The following PIK3CB variants were observed in gnomAD, a reference collection of about 807,000 sequenced individuals.
PIK3CB encodes phosphatidylinositol-4,5-bisphosphate 3-kinase catalytic subunit beta, also known as phosphatidylinositol 4,5-bisphosphate 3-kinase catalytic subunit beta isoform.
Under a neutral mutation model 136.8 loss-of-function variants are expected in PIK3CB, and 39 were observed. The ratio of observed to expected loss-of-function variants is 0.29; its 90% CI spans 0.22 to 0.37. The LOEUF (loss-of-function observed/expected upper bound fraction) is 0.37, where lower values mean the gene tolerates loss of function less well. PIK3CB is among the 10% of genes least tolerant of loss of function. PIK3CB has a pLI of 1.00. For synonymous variants in PIK3CB, 428 were observed against 436.6 expected (o/e 0.98, Z 0.25); for missense variants, 868 against 1,275.4 (o/e 0.68, Z 4.87).
In PIK3CB at chr3:138,663,301, C is replaced by T. The variant is rs182769512; in HGVS notation, c.2796+605G>A. Among the ~76,000 whole-genome samples the T allele has an allele frequency of 3.9e-5, 6 of 152,226 alleles. No homozygotes were observed. The East Asian group carries it at 5.8e-4, about 15-fold the overall frequency. ...AATTTAATACATCCAGTACATTATC[C>T]GCTCCTTCTGTTAGGTACAAATGTA... is the stretch of plus-strand genomic sequence containing the variant. On this transcript the variant is annotated intron_variant, in intron 21 of 23. Coordinates refer to ENST00000674063, the MANE Select transcript of PIK3CB (RefSeq NM_006219.3).
rs557124665 is a variant in PIK3CB, at chr3:138,782,518, T to C, written c.-17+13945A>G. 2.0e-4 allele frequency among the ~76,000 whole-genome samples: 31 copies of C among 152,366 alleles called. No homozygotes were observed. The South Asian group carries it at 2.9e-3, about 14-fold the overall frequency. ...TATGACAACTATACCAAGGTCACTA[T>C]GGCAGAGACTAATTTTTTTCTTCCA... On this transcript the variant is annotated intron_variant, in intron 2 of 23. Transcript: ENST00000674063.
At chr3:138,656,041 T>G in intron 23 of PIK3CB, 101 bp downstream of exon 23, 1 of 1,202,588 alleles carries the variant, frequency 8.3e-7, no homozygotes, top group Non-Finnish European at 1.2e-6. Flanking sequence ...TTAGAGGAAA[T>G]GACTTTGTTC....
intron 10 of PIK3CB, among the ~76,000 whole-genome samples, chr3:138,711,406 CCT>C (rs1303181918): frequency 2.7e-4 from 41 of 151,480 alleles, no homozygotes; most frequent in African/African-American, 9.7e-4. Flanking sequence ...ATGGAGAAAC[CCT>C]GTCTCTACTA....
At chr3:138,807,942 C>T (rs1444707908) in intron 1 of PIK3CB, among the ~76,000 whole-genome samples, 1 of 151,426 alleles carries the variant, frequency 6.6e-6, no homozygotes, top group Non-Finnish European at 1.5e-5. Context: ...TCTTACTAGT[C>T]CAGCTCACAC....
chr3:138,692,728 G>A (rs1199250565), intron 14 of PIK3CB, among the ~76,000 whole-genome samples: 1 of 152,102 alleles, frequency 6.6e-6, no homozygotes, highest in Admixed American at 6.5e-5. Flanking sequence ...AAGAAAAAAG[G>A]ATCATAGTAT....
At position 138,694,657 on chromosome 3, in the gene PIK3CB, T is replaced by G. The variant is rs943201378; in HGVS notation, c.1892+129A>C. On this transcript the variant is annotated intron_variant, in intron 14 of 23. Coordinates refer to ENST00000674063, the MANE Select transcript of PIK3CB (RefSeq NM_006219.3). Reference sequence around the variant, plus strand: ...GAGTTGGGGAGCTGGCAGGAGTACATGAGCAAATGCTTTGAACTGTGAATA... The same window carrying G: ...GAGTTGGGGAGCTGGCAGGAGTACAGGAGCAAATGCTTTGAACTGTGAATA... 26 of 963,614 alleles carry G rather than the reference T, an allele frequency of 2.7e-5. No individual in the cohort carries two copies. In the Admixed American group the frequency reaches 6.4e-4, roughly 24 times the overall value. The allele number at this position is 963,614 out of a possible 1,614,324, so 59.7% of individuals were successfully genotyped here. A position where few individuals can be genotyped will look rare whatever the true frequency, so the allele number is the denominator to read the frequency against.
At chr3:138,789,120 A>C (rs2046020074) in intron 2 of PIK3CB, among the ~76,000 whole-genome samples, 1 of 151,956 alleles carries the variant, frequency 6.6e-6, no homozygotes. Context: ...AGACAGCAGG[A>C]TTGTTCCTCA....
At chr3:138,693,966 T>TATATATA (rs1457395869) in intron 14 of PIK3CB, among the ~76,000 whole-genome samples, 1,218 of 42,290 alleles carry the variant, frequency 0.029, 215 homozygotes, top group East Asian at 0.055. Flanking sequence ...TATATATATA[T>TATATATA]TATATATATA....
chr3:138,657,881 T>C lies in PIK3CB; in HGVS notation c.2797-46A>G, dbSNP rs2043218489. The C allele has an allele frequency of 4.4e-6, 7 of 1,583,238 alleles. No individual in the cohort carries two copies. In the African/African-American group the frequency reaches 5.4e-5, roughly 12 times the overall value. ...AATTTCCTTCATTTTTCTGGTGGGT[T>C]CCAAATATAAAGGCAAAACCTCCAT... On this transcript the variant is annotated intron_variant, in intron 21 of 23. Transcript: ENST00000674063.
chr3:138,800,634 A>ATTATTT (rs2046162421), intron 1 of PIK3CB, among the ~76,000 whole-genome samples: 1 of 151,526 alleles, frequency 6.6e-6, no homozygotes, highest in African/African-American at 2.4e-5. Flanking sequence ...TATTATTATT[A>ATTATTT]TTATTTTTGA....
intron 8 of PIK3CB, among the ~76,000 whole-genome samples, chr3:138,732,720 G>A (rs73229575): frequency 0.017 from 1,862 of 108,090 alleles, no homozygotes; most frequent in Non-Finnish European, 0.019. Flanking sequence ...GGAAAGAAAA[G>A]AAAAAAAAAA....
chr3:138,819,147 G>A (rs1177654603), intron 1 of PIK3CB, among the ~76,000 whole-genome samples: 1 of 152,130 alleles, frequency 6.6e-6, no homozygotes, highest in Non-Finnish European at 1.5e-5. Context: ...TGGAGATCGA[G>A]ACCATCCTGG....
chr3:138,676,683 T>C (rs2043650832), intron 19 of PIK3CB, among the ~76,000 whole-genome samples: 2 of 152,336 alleles, frequency 1.3e-5, no homozygotes, highest in African/African-American at 2.4e-5. Context: ...AATGAAATAC[T>C]GGTTACTGTT....
rs77077357 is a variant in PIK3CB, at chr3:138,792,945, G to A, written c.-17+3518C>T. ...CGTGTGTGCCACCACACCCAGCTAA[G>A]TGTAGGATTTCTTATCTTACTTTTT... On this transcript the variant is annotated intron_variant, in intron 2 of 23. Coordinates refer to ENST00000674063, the MANE Select transcript of PIK3CB (RefSeq NM_006219.3). Among the ~76,000 whole-genome samples the A allele has an allele frequency of 1.3e-3, 192 of 152,228 alleles. 6 individuals carry two copies. The East Asian group carries it at 0.034, about 27-fold the overall frequency.
chr3:138,761,764 C>T (rs1305623695), intron 2 of PIK3CB, among the ~76,000 whole-genome samples: 4 of 151,316 alleles, frequency 2.6e-5, no homozygotes, highest in Non-Finnish European at 4.4e-5. Flanking sequence ...AGCGAGACTT[C>T]GTCTCAAAAA....
chr3:138,798,846 T>C (rs551021232), intron 1 of PIK3CB, among the ~76,000 whole-genome samples: 1 of 152,148 alleles, frequency 6.6e-6, no homozygotes, highest in Non-Finnish European at 1.5e-5. Context: ...GAAAAGGATA[T>C]TTTCTCCATA....
chr3:138,754,336 G>T (rs991370098), intron 4 of PIK3CB, among the ~76,000 whole-genome samples: 3 of 151,958 alleles, frequency 2.0e-5, no homozygotes, highest in African/African-American at 7.3e-5. Context: ...TACTTAGGAC[G>T]CTGAGGTGGG....
intron 4 of PIK3CB, among the ~76,000 whole-genome samples, chr3:138,747,800 A>C (rs1178910642): frequency 1.3e-5 from 2 of 152,196 alleles, no homozygotes; most frequent in Non-Finnish European, 2.9e-5. Context: ...CAATATACGT[A>C]TTAAAAAATA....
intron 12 of PIK3CB, among the ~76,000 whole-genome samples, chr3:138,703,563 T>C (rs1182751400): frequency 6.6e-6 from 1 of 150,762 alleles, no homozygotes; most frequent in East Asian, 1.9e-4. Context: ...TATATATATA[T>C]GTAGATATAG....
Sources: allele counts gnomAD v4.1 joint callset (sites outside exome capture counted in the v4.1 genomes callset), GRCh38; gene constraint gnomAD v4.1.1; transcripts MANE v1.5; gene names NCBI Gene and HGNC (gene_info 2026-07-23, HGNC 2026-07-21).